Variants in SMARCB1 observed in about 807,000 individuals in gnomAD.
SMARCB1 encodes SWI/SNF related BAF chromatin remodeling complex subunit B1.
SMARCB1 carries 5 observed loss-of-function variants against 49.0 expected under a neutral mutation model. The ratio of observed to expected loss-of-function variants is 0.10; its 90% CI spans 0.05 to 0.21. SMARCB1 has a LOEUF of 0.21. Ranked by LOEUF, SMARCB1 falls within the 10% of genes least tolerant of loss-of-function variation. The pLI, the probability that SMARCB1 is intolerant of heterozygous loss-of-function variation, is 1.00. For missense variants in SMARCB1, 226 were observed against 509.2 expected, an observed-to-expected ratio of 0.44 and a Z score of 5.35; for synonymous variants, 201 against 200.1, an observed-to-expected ratio of 1.00 and a Z score of -0.04.
intron 5 of SMARCB1, among the ~76,000 whole-genome samples, chr22:23,813,111 C>T (rs545195976): frequency 2.1e-4 from 32 of 152,138 alleles, no homozygotes; most frequent in Non-Finnish European, 1.0e-4. Context: ...GTGATCCACC[C>T]GCCTCGGCCT....
chr22:23,790,816 G>A lies in SMARCB1; in HGVS notation c.94-940G>A, dbSNP rs559814748. Among the ~76,000 whole-genome samples the A allele has an allele frequency of 7.2e-5, 11 of 152,202 alleles. No individual in the cohort carries two copies. The East Asian group carries it at 1.7e-3, about 24-fold the overall frequency. The stretch of plus-strand genomic sequence containing the variant: ...TATGATCGATCGCACCACTGCAATC[G>A]AGCCTGGGTGACAGAGCGAGACCCT... On this transcript the variant is annotated intron_variant, in intron 1 of 8. Transcript: ENST00000644036.
chr22:23,809,787 G>C (rs1285079761), intron 5 of SMARCB1, among the ~76,000 whole-genome samples: 2 of 152,034 alleles, frequency 1.3e-5, no homozygotes, highest in Non-Finnish European at 2.9e-5. Context: ...TGAAAGAAAA[G>C]AACTATTAAT....
At chr22:23,830,920 A>G (rs904694730) in intron 7 of SMARCB1, among the ~76,000 whole-genome samples, 30 of 152,010 alleles carry the variant, frequency 2.0e-4, no homozygotes, top group Non-Finnish European at 3.2e-4. Flanking sequence ...CGGCCTCCCA[A>G]AGTGCTGGGA....
chr22:23,828,779 G>A (rs2030511088), intron 7 of SMARCB1, among the ~76,000 whole-genome samples: 1 of 152,226 alleles, frequency 6.6e-6, no homozygotes, highest in Admixed American at 6.5e-5. Context: ...CTCCTCGGCA[G>A]TGGGGACATT....
Position 23,817,200 on chromosome 22 carries a change from AGAG to A in SMARCB1, c.795+269_795+271del, listed in dbSNP as rs1930245853. 3 of 564,778 alleles carry A rather than the reference AGAG, an allele frequency of 5.3e-6. No homozygotes were observed. The South Asian group carries it at 6.3e-5, about 12-fold the overall frequency. 35.0% of individuals were successfully genotyped at this position (564,778 alleles called of 1,614,324 possible). A position where few individuals can be genotyped will look rare whatever the true frequency, so the allele number is the denominator to read the frequency against. On this transcript the variant is annotated intron_variant, in intron 6 of 8. Coordinates refer to ENST00000644036, the MANE Select transcript of SMARCB1 (RefSeq NM_003073.5). ...GGCTCTGAGCAAAGCCCGGAGGTCT[AGAG>A]GAGGTGAAGGCAGCTGATTGGCTGG... is the stretch of plus-strand genomic sequence containing the variant.
chr22:23,823,000 A>C (rs1206094749), intron 6 of SMARCB1: 1 of 28,030 alleles, frequency 3.6e-5, no homozygotes, highest in Non-Finnish European at 7.8e-5. Context: ...TTTTTTTTTG[A>C]CACAGAGTCT....
At position 23,835,716 on chromosome 22, in the gene SMARCB1, G is replaced by A; in HGVS notation, c.*1536G>A. On this transcript the variant is annotated 3_prime_UTR_variant, in exon 9 of 9. Transcript: ENST00000644036. ...AACAGGTTTCATTGCTGAGGTGTTT[G>A]TTCTGTCCATGAGGTAGGAACCTCG... 8.1e-6 allele frequency: 8 copies of A among 985,504 alleles called. No individual in the cohort carries two copies. Among genetic ancestry groups the A allele is most frequent in the Non-Finnish European group, 9.6e-6 (8 of 829,952 alleles). The allele number at this position is 985,504 out of a possible 1,614,324, so 61.0% of individuals were successfully genotyped here.
intron 6 of SMARCB1, 62 bp from the exon 7 acceptor site, chr22:23,825,146 AGGCCTGGCAGGGCCCCG>A: frequency 8.1e-7 from 1 of 1,239,576 alleles, no homozygotes; most frequent in South Asian, 1.2e-5. Context: ...GGCCCACCCC[AGGCCTGGCAGGGCCCCG>A]CTCCTCGCGG....
Position 23,788,657 on chromosome 22 carries a change from C to T in SMARCB1, c.93+1395C>T, listed in dbSNP as rs535096091. Among the ~76,000 whole-genome samples, 7 of 152,290 alleles carry T rather than the reference C, an allele frequency of 4.6e-5. No homozygotes were observed. In the South Asian group the frequency reaches 1.2e-3, roughly 27 times the overall value. ...CTGGGCTCAAGTGATCCTTGCACCTCAGCCTCTCAAAGTGCTGGAATGACA... is the reference window on the plus strand; with the variant it reads ...CTGGGCTCAAGTGATCCTTGCACCTTAGCCTCTCAAAGTGCTGGAATGACA... On this transcript the variant is annotated intron_variant, in intron 1 of 8. Transcript: ENST00000644036.
At chr22:23,796,922 G>C (rs1017730366) in intron 3 of SMARCB1, among the ~76,000 whole-genome samples, 4 of 152,142 alleles carry the variant, frequency 2.6e-5, no homozygotes, top group Non-Finnish European at 5.9e-5. Context: ...TCCCCATCCT[G>C]TCATCGGACA....
chr22:23,788,970 C>A (rs1250874630), intron 1 of SMARCB1, among the ~76,000 whole-genome samples: 1 of 152,158 alleles, frequency 6.6e-6, no homozygotes, highest in Non-Finnish European at 1.5e-5. Context: ...CCACCTCAGT[C>A]TCCCAAGTAG....
At chr22:23,826,817 C>T (rs2030404150) in intron 7 of SMARCB1, among the ~76,000 whole-genome samples, 1 of 152,220 alleles carries the variant, frequency 6.6e-6, no homozygotes, top group Admixed American at 6.5e-5. Context: ...GCTCAAGGGC[C>T]CGGGCCTGGG....
intron 8 of SMARCB1, 142 bp downstream of exon 8, chr22:23,833,845 G>A (rs761478968): frequency 1.8e-5 from 17 of 955,628 alleles, no homozygotes; most frequent in Non-Finnish European, 2.3e-5. Context: ...AGGCTTCTGG[G>A]TGATAAGGCC....
At chr22:23,829,837 C>G (rs936203534) in intron 7 of SMARCB1, among the ~76,000 whole-genome samples, 1 of 152,152 alleles carries the variant, frequency 6.6e-6, no homozygotes, top group Admixed American at 6.5e-5. Flanking sequence ...GTCTCTCAGC[C>G]CTAGGTGTCC....
chr22:23,810,431 G>A (rs1466611592), intron 5 of SMARCB1, among the ~76,000 whole-genome samples: 6 of 148,400 alleles, frequency 4.0e-5, no homozygotes, highest in African/African-American at 1.5e-4. Context: ...AGGAGGCTGA[G>A]GCAGAAGAGT....
rs1465599221 is a variant in SMARCB1 at position 23,835,850 on chromosome 22, G to A, written c.*1670G>A. Reference sequence around the variant, plus strand: ...AGGGCCACCTGGCTGGGAGGTGCCGGGAAGGCTGGGCCCTCACTCCTGACC... The same window carrying A: ...AGGGCCACCTGGCTGGGAGGTGCCGAGAAGGCTGGGCCCTCACTCCTGACC... On this transcript the variant is annotated 3_prime_UTR_variant, in exon 9 of 9. Transcript: ENST00000644036. 8.1e-5 allele frequency: 80 copies of A among 982,524 alleles called. No individual in the cohort carries two copies. The highest frequency in any genetic ancestry group is 9.2e-5 in the Non-Finnish European group (76 of 828,916). The allele number at this position is 982,524 out of a possible 1,614,324, so 60.9% of individuals were successfully genotyped here.
At chr22:23,792,126 C>T (rs1928419759) in intron 2 of SMARCB1, 5 of 547,244 alleles carry the variant, frequency 9.1e-6, no homozygotes, top group South Asian at 3.8e-5. Flanking sequence ...GTGAGCGGGC[C>T]GGGGCCAGGA....
At chr22:23,812,345 C>CA (rs1387088728) in intron 5 of SMARCB1, among the ~76,000 whole-genome samples, 2 of 151,994 alleles carry the variant, frequency 1.3e-5, no homozygotes, top group Non-Finnish European at 2.9e-5. Context: ...TTCTCCCCCC[C>CA]AAAAAAATCT....
At position 23,835,887 on chromosome 22, in the gene SMARCB1, C is replaced by T. The variant is rs2031009384; in HGVS notation, c.*1707C>T. The T allele has an allele frequency of 1.0e-6, 1 of 985,522 alleles. No individual in the cohort carries two copies. The highest frequency in any genetic ancestry group is 1.2e-6 in the Non-Finnish European group (1 of 829,968). The allele number at this position is 985,522 out of a possible 1,614,324, so 61.0% of individuals were successfully genotyped here. ...CCTCACTCCTGACCGCCAGCTCACA[C>T]CGCCGCAAAGCCATCTCCACAAGGT... On this transcript the variant is annotated 3_prime_UTR_variant, in exon 9 of 9. Transcript: ENST00000644036.
Sources: allele counts gnomAD v4.1 joint callset (sites outside exome capture counted in the v4.1 genomes callset), GRCh38; gene constraint gnomAD v4.1.1; transcripts MANE v1.5; gene names NCBI Gene and HGNC (gene_info 2026-07-23, HGNC 2026-07-21).